GNA12: variants seen among roughly 807,000 people sequenced by gnomAD.
The protein encoded by GNA12 is G protein subunit alpha 12.
A neutral mutation model predicts 26.0 loss-of-function variants in GNA12; 9 were observed. The ratio of observed to expected loss-of-function variants is 0.35; its 90% CI spans 0.21 to 0.60. The LOEUF (loss-of-function observed/expected upper bound fraction) is 0.60, where lower values mean the gene tolerates loss of function less well. Among genes scored for constraint, GNA12 ranks in the 20% least tolerant of loss-of-function variants. GNA12 has a pLI of 0.78. For missense variants in GNA12, 405 were observed against 525.8 expected (o/e 0.77, Z 2.25); for synonymous variants, 264 against 219.6 (o/e 1.20, Z -1.79).
Position 2,744,651 on chromosome 7 carries a change from G to A in GNA12, c.526-11150C>T, listed in dbSNP as rs545140444. 4.6e-5 allele frequency among the ~76,000 whole-genome samples: 7 copies of A among 152,292 alleles called. No homozygotes were observed. The East Asian group carries it at 9.6e-4, about 21-fold the overall frequency. On this transcript the variant is annotated intron_variant, in intron 2 of 3. Coordinates refer to ENST00000275364, the MANE Select transcript of GNA12 (RefSeq NM_007353.3). Reference sequence around the variant, plus strand: ...AGGAACGCAGCTCCTCACCAGCAACGGAACAAAGCTGGATGGACAATGACT... The same window carrying A: ...AGGAACGCAGCTCCTCACCAGCAACAGAACAAAGCTGGATGGACAATGACT...
chr7:2,751,805 G>A (rs542328305), intron 2 of GNA12, among the ~76,000 whole-genome samples: 5 of 152,108 alleles, frequency 3.3e-5, no homozygotes, highest in Non-Finnish European at 7.4e-5. Flanking sequence ...TTCCCAAAAC[G>A]GATACTGTAT....
intron 1 of GNA12, chr7:2,835,880 T>C (rs924308950): frequency 2.6e-5 from 15 of 572,644 alleles, no homozygotes; most frequent in African/African-American, 2.5e-4. Flanking sequence ...CAGGAAATGT[T>C]AGAAGCAGCA....
chr7:2,843,405 G>A (rs1056425268), intron 1 of GNA12, among the ~76,000 whole-genome samples: 1 of 151,686 alleles, frequency 6.6e-6, no homozygotes, highest in Admixed American at 6.6e-5. Context: ...GCACTTGAGG[G>A]AGACCAAGGC....
chr7:2,841,500 C>T (rs568691828), intron 1 of GNA12, among the ~76,000 whole-genome samples: 3 of 149,318 alleles, frequency 2.0e-5, no homozygotes, highest in East Asian at 1.9e-4. Flanking sequence ...TGAACACAGA[C>T]GCTCCCAGTG....
At chr7:2,788,637 TTAGA>T (rs1230236332) in intron 2 of GNA12, among the ~76,000 whole-genome samples, 1 of 152,008 alleles carries the variant, frequency 6.6e-6, no homozygotes, top group Non-Finnish European at 1.5e-5. Flanking sequence ...TGGAGGAAAG[TTAGA>T]TAGTGAGGAT....
At chr7:2,793,751 T>C (rs114580381) in intron 2 of GNA12, among the ~76,000 whole-genome samples, 2,929 of 151,232 alleles carry the variant, frequency 0.019, 52 homozygotes, top group Middle Eastern at 0.076. Context: ...GGTGTGGTGG[T>C]GGGTGCCTAC....
intron 2 of GNA12, among the ~76,000 whole-genome samples, chr7:2,739,488 T>A (rs1453251130): frequency 2.0e-5 from 2 of 99,198 alleles, no homozygotes; most frequent in Non-Finnish European, 4.8e-5. Flanking sequence ...AATATATATA[T>A]ATGTATATTA....
At chr7:2,784,168 G>A (rs1381778488) in intron 2 of GNA12, among the ~76,000 whole-genome samples, 1 of 152,052 alleles carries the variant, frequency 6.6e-6, no homozygotes, top group Non-Finnish European at 1.5e-5. Flanking sequence ...CTGAGGCTGA[G>A]GTGCAATGGT....
At chr7:2,790,184 A>G (rs1379617583) in intron 2 of GNA12, among the ~76,000 whole-genome samples, 1 of 151,896 alleles carries the variant, frequency 6.6e-6, no homozygotes, top group African/African-American at 2.4e-5. Flanking sequence ...AGCACCTCTG[A>G]CCTCCTCCTG....
At position 2,794,988 on chromosome 7, in the gene GNA12, G is replaced by T; in HGVS notation, c.465C>A (p.Ser155Arg). 6.2e-7 allele frequency: 1 copy of T among 1,614,148 alleles called. No homozygotes were observed. The highest frequency in any genetic ancestry group is 2.2e-5 in the East Asian group (1 of 44,882). ...TGATGCCAGAATCCCTCCAGAGTGC[G>T]CTCAGGGCCGGGACGTACAGCTGGA... The part of the protein sequence containing the change: ...ATFQLYVPAL[S>R]ALWRDSGIRE... The change falls in exon 2 of 4, where the codon AGC becomes AGA. Residue 155 changes from serine to arginine, a missense_variant. Physicochemically the swap from Ser to Arg is moderately radical, Grantham distance 110. Coordinates refer to ENST00000275364, the MANE Select transcript of GNA12 (RefSeq NM_007353.3).
At chr7:2,779,176 T>C (rs958684999) in intron 2 of GNA12, among the ~76,000 whole-genome samples, 2 of 151,820 alleles carry the variant, frequency 1.3e-5, no homozygotes, top group Admixed American at 1.3e-4. Context: ...CTGGGCAACA[T>C]GGCTGTTTCT....
At chr7:2,792,596 CTG>C (rs1344394249) in intron 2 of GNA12, among the ~76,000 whole-genome samples, 1 of 152,218 alleles carries the variant, frequency 6.6e-6, no homozygotes, top group African/African-American at 2.4e-5. Flanking sequence ...TTCCCAGACT[CTG>C]TGAGTGTATG....
At chr7:2,793,447 T>C (rs1792571656) in intron 2 of GNA12, among the ~76,000 whole-genome samples, 1 of 152,194 alleles carries the variant, frequency 6.6e-6, no homozygotes, top group South Asian at 2.1e-4. Flanking sequence ...AATAGTTGTA[T>C]AGTGGTTAAG....
chr7:2,843,796 G>T, intron 1 of GNA12, 57 bp downstream of exon 1: 1 of 981,458 alleles, frequency 1.0e-6, no homozygotes. Flanking sequence ...GGCCCGGGGC[G>T]GGGGTTAGCG....
At chr7:2,741,169 T>A (rs1790482469) in intron 2 of GNA12, among the ~76,000 whole-genome samples, 2 of 152,204 alleles carry the variant, frequency 1.3e-5, no homozygotes, top group Non-Finnish European at 2.9e-5. Context: ...ACAGTATGTT[T>A]TAAGGTATTC....
intron 2 of GNA12, among the ~76,000 whole-genome samples, chr7:2,736,880 A>G (rs1367981341): frequency 1.3e-5 from 2 of 152,260 alleles, no homozygotes; most frequent in Non-Finnish European, 2.9e-5. Context: ...TCCTTCAGCT[A>G]ATTTAGGACC....
At chr7:2,823,306 G>C (rs939025014) in intron 1 of GNA12, among the ~76,000 whole-genome samples, 2 of 152,140 alleles carry the variant, frequency 1.3e-5, no homozygotes, top group Non-Finnish European at 2.9e-5. Flanking sequence ...TATATAAAAA[G>C]GCTACTTATC....
Position 2,844,175 on chromosome 7 carries a change from G to A in GNA12, c.-14C>T. ...CACCCCGGACATGGCCCCTCAGGCC[G>A]CGGCCGCGCCCCGCCGGCGCCCGGG... On this transcript the variant is annotated 5_prime_UTR_variant, in exon 1 of 4. Coordinates refer to ENST00000275364, the MANE Select transcript of GNA12 (RefSeq NM_007353.3). The A allele has an allele frequency of 2.0e-6, 2 of 981,416 alleles. No homozygotes were observed. Among genetic ancestry groups the A allele is most frequent in the Non-Finnish European group, 2.4e-6 (2 of 828,576 alleles). 60.8% of individuals were successfully genotyped at this position (981,416 alleles called of 1,614,324 possible). A position where few individuals can be genotyped will look rare whatever the true frequency, so the allele number is the denominator to read the frequency against.
At chr7:2,774,263 G>A (rs138458824) in intron 2 of GNA12, among the ~76,000 whole-genome samples, 66 of 152,156 alleles carry the variant, frequency 4.3e-4, no homozygotes, top group African/African-American at 1.5e-3. Context: ...ATACACACAT[G>A]CATGCATATA....
Sources: gnomAD v4.1 joint callset for allele counts (sites outside exome capture counted in the v4.1 genomes callset) on GRCh38, gnomAD v4.1.1 for gene constraint, MANE v1.5 for transcripts, NCBI Gene and HGNC (gene_info 2026-07-23, HGNC 2026-07-21) for gene names.